Variants in MTAP observed in about 807,000 individuals in gnomAD.
MTAP encodes the protein methylthioadenosine phosphorylase.
Under a neutral mutation model 33.6 loss-of-function variants are expected in MTAP, and 33 were observed. The observed-to-expected ratio is 0.98, with a 90% confidence interval of 0.74 to 1.31. The LOEUF (loss-of-function observed/expected upper bound fraction) is 1.31. Among genes scored for constraint, MTAP ranks in the 40% most tolerant of loss-of-function variants. The probability of loss-of-function intolerance (pLI) is 0.00; values close to 1 mark genes in which losing one functional copy is unlikely to be tolerated. For missense variants in MTAP, 367 were observed against 360.0 expected (o/e 1.02, Z -0.16); for synonymous variants, 148 against 125.7 (o/e 1.18, Z -1.19).
intron 1 of MTAP, among the ~76,000 whole-genome samples, chr9:21,878,194 T>G (rs1826038243): frequency 6.6e-6 from 1 of 152,144 alleles, no homozygotes; most frequent in Admixed American, 6.6e-5. Context: ...GTGGGGTCAT[T>G]GGTAATGTCT....
chr9:21,808,307 G>A (rs188080669), intron 1 of MTAP, among the ~76,000 whole-genome samples: 110 of 152,176 alleles, frequency 7.2e-4, no homozygotes, highest in Admixed American at 1.1e-3. Context: ...ACATGAGGCC[G>A]GGCATGGTGG....
At chr9:21,917,291 CT>C (rs1488014357) in intron 1 of MTAP, among the ~76,000 whole-genome samples, 7 of 152,150 alleles carry the variant, frequency 4.6e-5, no homozygotes, top group Non-Finnish European at 1.0e-4. Context: ...ATATAAATTT[CT>C]GAGTGGTCCA....
chr9:21,842,194 C>G (rs1176354408), intron 5 of MTAP, among the ~76,000 whole-genome samples: 1 of 151,994 alleles, frequency 6.6e-6, no homozygotes, highest in Non-Finnish European at 1.5e-5. Flanking sequence ...AGCTTGAAGA[C>G]AAGGCTCTTG....
At chr9:21,891,524 A>G (rs1037683781) in intron 1 of MTAP, among the ~76,000 whole-genome samples, 2 of 152,216 alleles carry the variant, frequency 1.3e-5, no homozygotes, top group African/African-American at 4.8e-5. Flanking sequence ...AGAATAAACC[A>G]AGCTATGGAA....
At chr9:21,821,748 C>G (rs1563833896) in intron 4 of MTAP, among the ~76,000 whole-genome samples, 1 of 152,174 alleles carries the variant, frequency 6.6e-6, no homozygotes, top group Non-Finnish European at 1.5e-5. Context: ...GTGAATCCAT[C>G]TGGTCCTGGA....
intron 1 of MTAP, among the ~76,000 whole-genome samples, chr9:21,917,546 A>G (rs1818710597): frequency 1.3e-5 from 2 of 152,230 alleles, no homozygotes; most frequent in Non-Finnish European, 1.5e-5. Context: ...AAGAGTTACC[A>G]GCTTACTCCT....
downstream of MTAP, among the ~76,000 whole-genome samples, chr9:21,868,991 C>G (rs1195559831): frequency 6.6e-6 from 1 of 152,148 alleles, no homozygotes; most frequent in Non-Finnish European, 1.5e-5. Context: ...TCTCCCTGAT[C>G]ATTGTCTTAT....
At chr9:21,849,169 G>A (rs1284754543) in intron 5 of MTAP, among the ~76,000 whole-genome samples, 1 of 152,130 alleles carries the variant, frequency 6.6e-6, no homozygotes, top group Non-Finnish European at 1.5e-5. Context: ...TGAAGGGGAG[G>A]CCAGGTCCCG....
intron 1 of MTAP, among the ~76,000 whole-genome samples, chr9:21,879,669 A>G (rs1333068111): frequency 6.6e-6 from 1 of 151,846 alleles, no homozygotes. Flanking sequence ...TGTTTTTGTA[A>G]TGGTCTTTCT....
downstream of MTAP, among the ~76,000 whole-genome samples, chr9:21,939,262 T>A (rs1819095381): frequency 1.3e-5 from 2 of 152,222 alleles, no homozygotes; most frequent in African/African-American, 4.8e-5. Context: ...CTCTGGTATG[T>A]CTTTATCAGC....
intron 1 of MTAP, among the ~76,000 whole-genome samples, chr9:21,917,787 A>C (rs545614039): frequency 6.6e-6 from 1 of 152,254 alleles, no homozygotes; most frequent in Non-Finnish European, 1.5e-5. Flanking sequence ...ACACATGTAC[A>C]TGTATGTTTA....
At chr9:21,923,439 A>G (rs1818819814) in intron 1 of MTAP, among the ~76,000 whole-genome samples, 1 of 152,160 alleles carries the variant, frequency 6.6e-6, no homozygotes, top group African/African-American at 2.4e-5. Flanking sequence ...TCTTATCCCA[A>G]GCTCCGAGTT....
At chr9:21,912,087 G>A (rs1818588580) in intron 1 of MTAP, among the ~76,000 whole-genome samples, 1 of 152,148 alleles carries the variant, frequency 6.6e-6, no homozygotes, top group African/African-American at 2.4e-5. Context: ...CCAGGAAGAA[G>A]TTGAATCTCT....
chr9:21,940,545 C>G (rs1019965526), downstream of MTAP, among the ~76,000 whole-genome samples: 1 of 152,228 alleles, frequency 6.6e-6, no homozygotes, highest in Non-Finnish European at 1.5e-5. Flanking sequence ...CCTCCAGTAT[C>G]TGGCTATGAC....
At chr9:21,826,116 A>G (rs1253099057) in intron 4 of MTAP, among the ~76,000 whole-genome samples, 1 of 151,874 alleles carries the variant, frequency 6.6e-6, no homozygotes, top group Non-Finnish European at 1.5e-5. Context: ...GGGAATTTTT[A>G]AACATATACA....
intron 3 of MTAP, 113 bp from the exon 4 acceptor site, chr9:21,817,920 CCT>C (rs1824525622): frequency 8.0e-6 from 8 of 1,004,734 alleles, no homozygotes; most frequent in Non-Finnish European, 1.1e-5. Context: ...TAGGAGACCC[CCT>C]GTGTTAGTCT....
At chr9:21,837,797 G>T in intron 4 of MTAP, 111 bp from the exon 5 acceptor site, 1 of 788,782 alleles carries the variant, frequency 1.3e-6, no homozygotes, top group East Asian at 2.5e-5. Flanking sequence ...ATTGAGTCTG[G>T]AGTAAAGACC....
chr9:21,850,303 T>G (rs1238797739), intron 5 of MTAP, among the ~76,000 whole-genome samples: 1 of 152,218 alleles, frequency 6.6e-6, no homozygotes, highest in Admixed American at 6.5e-5. Flanking sequence ...AGTTGCTGCA[T>G]TTGTCCTCTC....
At chr9:21,882,983 A>G (rs1484292888) in intron 1 of MTAP, among the ~76,000 whole-genome samples, 1 of 151,914 alleles carries the variant, frequency 6.6e-6, no homozygotes, top group Admixed American at 6.6e-5. Context: ...AAAGAAAAAA[A>G]ATTAAGAAGT....
Sources: allele counts gnomAD v4.1 joint callset (sites outside exome capture counted in the v4.1 genomes callset), GRCh38; gene constraint gnomAD v4.1.1; transcripts MANE v1.5; gene names NCBI Gene and HGNC (gene_info 2026-07-23, HGNC 2026-07-21).